LRRTM3: variants seen among roughly 807,000 people sequenced by gnomAD.
LRRTM3 encodes leucine rich repeat transmembrane neuronal 3.
A neutral mutation model predicts 44.7 loss-of-function variants in LRRTM3; 24 were observed. The ratio of observed to expected loss-of-function variants is 0.54; its 90% confidence interval spans 0.39 to 0.76. The LOEUF (loss-of-function observed/expected upper bound fraction) is 0.76, where lower values mean the gene tolerates loss of function less well. Ranked by LOEUF, LRRTM3 falls within the 30% of genes least tolerant of loss-of-function variation. The probability of loss-of-function intolerance (pLI) is 0.00; values close to 1 mark genes in which losing one functional copy is unlikely to be tolerated. For missense variants in LRRTM3, 587 were observed against 702.2 expected (o/e 0.84, Z 1.85); for synonymous variants, 277 against 278.7 (o/e 0.99, Z 0.06).
chr10:67,060,874 A>G (rs1279294449), intron 2 of LRRTM3, among the ~76,000 whole-genome samples: 1 of 152,208 alleles, frequency 6.6e-6, no homozygotes, highest in African/African-American at 2.4e-5. Context: ...CTATGACTTT[A>G]ACTAGTTTTT....
At chr10:67,000,510 C>T (rs1046222450) in intron 2 of LRRTM3, among the ~76,000 whole-genome samples, 3 of 152,144 alleles carry the variant, frequency 2.0e-5, no homozygotes, top group Non-Finnish European at 4.4e-5. Flanking sequence ...GGGCTTAAGG[C>T]CAGTTCAGTA....
In LRRTM3 at chr10:67,100,595, T is replaced by C. The variant is rs1858282592; in HGVS notation, c.*2799T>C. Reference sequence around the variant, plus strand: ...CCCCATTCCTATGTCTCCCTTCCTGTCTATTCCTCACCGATTTAAACAACT... The same window carrying C: ...CCCCATTCCTATGTCTCCCTTCCTGCCTATTCCTCACCGATTTAAACAACT... On this transcript the variant is annotated 3_prime_UTR_variant, in exon 3 of 3. Transcript: ENST00000361320. Among the ~76,000 whole-genome samples the C allele has an allele frequency of 1.3e-5, 2 of 151,704 alleles. No individual in the cohort carries two copies. The highest frequency in any genetic ancestry group is 3.0e-5 in the Non-Finnish European group (2 of 67,796).
chr10:67,090,549 G>A (rs993586551), intron 2 of LRRTM3, among the ~76,000 whole-genome samples: 1 of 152,034 alleles, frequency 6.6e-6, no homozygotes, highest in African/African-American at 2.4e-5. Flanking sequence ...CAACCACTTA[G>A]GCAACTCACT....
intron 2 of LRRTM3, among the ~76,000 whole-genome samples, chr10:67,059,084 C>T (rs932397651): frequency 8.5e-5 from 13 of 152,102 alleles, no homozygotes; most frequent in Non-Finnish European, 1.8e-4. Flanking sequence ...CAAATGAGTC[C>T]ACTTAGTCTT....
intron 2 of LRRTM3, among the ~76,000 whole-genome samples, chr10:67,010,928 A>G (rs1852285276): frequency 1.3e-5 from 2 of 152,226 alleles, no homozygotes; most frequent in Admixed American, 1.3e-4. Context: ...GACATTTTCA[A>G]AAACACATTT....
chr10:66,965,364 G>T (rs1026491569), intron 2 of LRRTM3, among the ~76,000 whole-genome samples: 1 of 151,718 alleles, frequency 6.6e-6, no homozygotes, highest in African/African-American at 2.4e-5. Context: ...GTGAAACCCT[G>T]TCTCTACTAA....
intron 2 of LRRTM3, among the ~76,000 whole-genome samples, chr10:66,992,504 A>T (rs1851094770): frequency 6.6e-6 from 1 of 151,034 alleles, no homozygotes; most frequent in African/African-American, 2.4e-5. Context: ...ATGCATTACA[A>T]ATATGTTCTT....
intron 2 of LRRTM3, among the ~76,000 whole-genome samples, chr10:66,957,459 T>TATATATATGC: frequency 4.0e-5 from 1 of 25,176 alleles, no homozygotes; most frequent in Middle Eastern, 0.036. Context: ...TATATATGCA[T>TATATATATGC]ATATATATAT....
At chr10:67,093,886 C>G (rs1857810316) in intron 2 of LRRTM3, among the ~76,000 whole-genome samples, 1 of 151,934 alleles carries the variant, frequency 6.6e-6, no homozygotes, top group African/African-American at 2.4e-5. Context: ...AAACAACTGA[C>G]TATAATTTGA....
At chr10:66,935,010 T>C (rs1847616607) in intron 2 of LRRTM3, among the ~76,000 whole-genome samples, 2 of 152,094 alleles carry the variant, frequency 1.3e-5, no homozygotes, top group East Asian at 3.8e-4. Flanking sequence ...TATGCTACCT[T>C]GAGTGGTGTT....
At chr10:67,080,496 T>A (rs1025684915) in intron 2 of LRRTM3, among the ~76,000 whole-genome samples, 1 of 152,122 alleles carries the variant, frequency 6.6e-6, no homozygotes. Flanking sequence ...GACATGAGAT[T>A]TTTTTTTCTC....
At chr10:67,069,820 G>A (rs368359185) in intron 2 of LRRTM3, among the ~76,000 whole-genome samples, 1 of 151,968 alleles carries the variant, frequency 6.6e-6, no homozygotes, top group East Asian at 1.9e-4. Context: ...TTTACCTAAG[G>A]ACCCATTGAT....
At chr10:66,967,926 T>C (rs1351057874) in intron 2 of LRRTM3, among the ~76,000 whole-genome samples, 2 of 152,128 alleles carry the variant, frequency 1.3e-5, no homozygotes, top group Admixed American at 6.5e-5. Context: ...TGATTCAGTG[T>C]GTTTCAAACA....
At chr10:67,050,585 G>T (rs1855025190) in intron 2 of LRRTM3, among the ~76,000 whole-genome samples, 1 of 152,146 alleles carries the variant, frequency 6.6e-6, no homozygotes, top group Admixed American at 6.5e-5. Flanking sequence ...GCTCGAGTGG[G>T]AGACATTGTT....
At position 67,057,017 on chromosome 10, in the gene LRRTM3, TCATTAAG is replaced by T. The variant is rs569170179; in HGVS notation, c.1537-40567_1537-40561del. ...AATTAAGTTCTCTAATTAGTCACAG[TCATTAAG>T]CACTACATCAGCAATTCTGCCTCCT... On this transcript the variant is annotated intron_variant, in intron 2 of 2. Transcript: ENST00000361320. 4.7e-4 allele frequency among the ~76,000 whole-genome samples: 71 copies of T among 152,326 alleles called. No individual in the cohort carries two copies. In the South Asian group the frequency reaches 0.014, roughly 31 times the overall value.
Position 66,976,705 on chromosome 10 carries a change from G to A in LRRTM3, c.1536+48253G>A, listed in dbSNP as rs143842144. Among the ~76,000 whole-genome samples, 559 of 151,896 alleles carry A rather than the reference G, an allele frequency of 3.7e-3. 7 individuals carry two copies. Among genetic ancestry groups the A allele is most frequent in the East Asian group, 7.4e-3 (38 of 5,150 alleles). On this transcript the variant is annotated intron_variant, in intron 2 of 2. Coordinates refer to ENST00000361320, the MANE Select transcript of LRRTM3 (RefSeq NM_178011.5). ...CCACACTGATCTATTTACTTTCTTC[G>A]TCAATACAATTTTATTCTCTGAACT...
intron 2 of LRRTM3, among the ~76,000 whole-genome samples, chr10:66,972,089 C>A (rs1849753358): frequency 6.6e-6 from 1 of 152,088 alleles, no homozygotes; most frequent in Admixed American, 6.6e-5. Flanking sequence ...AGCTTTTAAG[C>A]TTTGTTTAGT....
At chr10:67,062,013 T>C (rs540423641) in intron 2 of LRRTM3, among the ~76,000 whole-genome samples, 25 of 152,224 alleles carry the variant, frequency 1.6e-4, no homozygotes, top group South Asian at 1.0e-3. Context: ...CCCAAAACCA[T>C]AGTATAACCC....
Position 67,097,730 on chromosome 10 carries a change from T to C in LRRTM3, c.1680T>C (p.Thr560=). Residue 560 remains threonine (T), a synonymous_variant, in exon 3 of 3, where the codon ACT becomes ACC. Transcript: ENST00000361320. ...QEDTMETHLE[T]ELDLSTITTA... The stretch of plus-strand genomic sequence containing the variant: ...ATACGATGGAAACACACCTAGAGAC[T>C]GAGCTGGACCTGAGCACAATCACAA... 1 of 1,612,656 alleles carries C rather than the reference T, an allele frequency of 6.2e-7. No individual in the cohort carries two copies. Among genetic ancestry groups the C allele is most frequent in the East Asian group, 2.2e-5 (1 of 44,828 alleles).
Sources: allele counts gnomAD v4.1 joint callset (sites outside exome capture counted in the v4.1 genomes callset), GRCh38; gene constraint gnomAD v4.1.1; transcripts MANE v1.5; gene names NCBI Gene and HGNC (gene_info 2026-07-23, HGNC 2026-07-21).